ZNF721: variants seen among roughly 807,000 people sequenced by gnomAD.
ZNF721 encodes zinc finger protein 721.
A neutral mutation model predicts 2.4 loss-of-function variants in ZNF721; 2 were observed. The ratio of observed to expected loss-of-function variants is 0.82; its 90% CI spans 0.34 to 2.58. ZNF721 has a LOEUF of 2.58. ZNF721 is among the 30% of genes most tolerant of loss of function. The pLI is 0.11. For synonymous variants in ZNF721, 398 were observed against 381.8 expected (o/e 1.04, Z -0.50); for missense variants, 1,187 against 1,085.5 (o/e 1.09, Z -1.31).
At chr4:489,562 C>T (rs1239574546) in intron 1 of ZNF721, among the ~76,000 whole-genome samples, 1 of 152,160 alleles carries the variant, frequency 6.6e-6, no homozygotes, top group East Asian at 1.9e-4. Flanking sequence ...TCTCTAGGGG[C>T]ACTGTCCCAC....
At position 474,347 on chromosome 4, in the gene ZNF721, CT is replaced by C. The variant is rs373940372; in HGVS notation, c.-93-1647del. On this transcript the variant is annotated intron_variant, in intron 1 of 2. Coordinates refer to ENST00000511833, the MANE Select transcript of ZNF721 (RefSeq NM_133474.4). ...TACCTCCAGGCACTTTCAGGCGGCG[CT>C]TAATCTCTGTGCTAGGCTTGGCTCT... is the stretch of plus-strand genomic sequence containing the variant. 6.9e-3 allele frequency among the ~76,000 whole-genome samples: 1,058 copies of C among 152,312 alleles called. 11 individuals carry two copies. The Middle Eastern group carries it at 0.071, about 10-fold the overall frequency.
intron 1 of ZNF721, among the ~76,000 whole-genome samples, chr4:488,365 AAC>A (rs782532907): frequency 1.4e-4 from 22 of 152,254 alleles, no homozygotes; most frequent in South Asian, 6.2e-4. Flanking sequence ...ACAGGAGAAA[AAC>A]ACACAGTTAC....
intron 1 of ZNF721, among the ~76,000 whole-genome samples, chr4:483,619 G>C (rs1488208125): frequency 1.6e-4 from 24 of 152,020 alleles, no homozygotes; most frequent in Admixed American, 1.6e-3. Context: ...GAAAAAAGAA[G>C]AGGAAGTGGT....
Position 472,644 on chromosome 4 carries a change from G to C in ZNF721, c.-36C>G. The stretch of plus-strand genomic sequence containing the variant: ...TACAAATTCTGCTGGGCAGGGTCCA[G>C]GCATTTCCACTCTTCTGGAGAGAAT... On this transcript the variant is annotated 5_prime_UTR_variant, in exon 2 of 3. Transcript: ENST00000511833. The C allele has an allele frequency of 6.2e-7, 1 of 1,613,980 alleles. No homozygotes were observed. The highest frequency in any genetic ancestry group is 8.5e-7 in the Non-Finnish European group (1 of 1,180,004).
At chr4:465,532 C>T (rs1715218905) in intron 2 of ZNF721, among the ~76,000 whole-genome samples, 1 of 151,506 alleles carries the variant, frequency 6.6e-6, no homozygotes, top group African/African-American at 2.4e-5. Context: ...CCTGGGTTCA[C>T]GCCATTCTCC....
intron 1 of ZNF721, among the ~76,000 whole-genome samples, chr4:491,462 G>C (rs1553871456): frequency 1.3e-5 from 2 of 152,184 alleles, no homozygotes; most frequent in Non-Finnish European, 2.9e-5. Flanking sequence ...CAGTAACAAA[G>C]AGTGCTGAAA....
intron 1 of ZNF721, among the ~76,000 whole-genome samples, chr4:483,175 C>G (rs1715812523): frequency 6.6e-6 from 1 of 152,126 alleles, no homozygotes; most frequent in Admixed American, 6.6e-5. Context: ...GAGCATCAGC[C>G]TATTATACTA....
intron 1 of ZNF721, among the ~76,000 whole-genome samples, chr4:491,911 T>C (rs145666906): frequency 3.3e-5 from 5 of 152,092 alleles, no homozygotes; most frequent in African/African-American, 1.2e-4. Flanking sequence ...TCCCAGCACT[T>C]TGGGAGGCCA....
At chr4:476,125 T>C (rs781832328) in intron 1 of ZNF721, among the ~76,000 whole-genome samples, 6 of 152,210 alleles carry the variant, frequency 3.9e-5, no homozygotes, top group African/African-American at 7.2e-5. Flanking sequence ...CAGTCACCCT[T>C]CTTGCAGTCA....
chr4:467,805 T>A (rs547453277), intron 2 of ZNF721, among the ~76,000 whole-genome samples: 7 of 152,278 alleles, frequency 4.6e-5, no homozygotes, highest in Non-Finnish European at 7.4e-5. Context: ...CCGTGGCCAC[T>A]CGTACACACT....
intron 1 of ZNF721, among the ~76,000 whole-genome samples, chr4:481,515 A>G (rs1295710088): frequency 6.6e-6 from 1 of 151,902 alleles, no homozygotes; most frequent in Non-Finnish European, 1.5e-5. Context: ...ATTTATTAAA[A>G]ATCAAGTTAT....
chr4:444,250 A>G lies in ZNF721; in HGVS notation c.217T>C (p.Leu73=), dbSNP rs1714395058. Residue 73 remains leucine (L), a synonymous_variant, in exon 3 of 3, where the codon TTG becomes CTG. Transcript: ENST00000511833. Reference sequence around the variant, plus strand: ...AATATTTTGCTCTGAGTATTTGACAAGCATTTATTAATTCCATTATAAACT... The same window carrying G: ...AATATTTTGCTCTGAGTATTTGACAGGCATTTATTAATTCCATTATAAACT... ...KGVYNGINKC[L]SNTQSKIFQC... The G allele has an allele frequency of 6.2e-7, 1 of 1,613,770 alleles. No homozygotes were observed. The highest frequency in any genetic ancestry group is 1.3e-5 in the African/African-American group (1 of 75,052).
chr4:449,166 A>G lies in ZNF721; in HGVS notation c.35-4734T>C, dbSNP rs545294085. 2.7e-4 allele frequency among the ~76,000 whole-genome samples: 41 copies of G among 152,310 alleles called. 1 individual carries two copies. The highest frequency in any genetic ancestry group is 2.4e-5 in the African/African-American group (1 of 41,584). On this transcript the variant is annotated intron_variant, in intron 2 of 2. Transcript: ENST00000511833. ...AGATAGAGTGCATAACAACGTTAAT[A>G]TGACTAAGCTGAATATTTAAAAATA...
At chr4:481,669 T>C (rs1318656081) in intron 1 of ZNF721, among the ~76,000 whole-genome samples, 3 of 151,570 alleles carry the variant, frequency 2.0e-5, no homozygotes, top group Non-Finnish European at 2.9e-5. Context: ...AAGGAAGAAA[T>C]TGCAAGTGAT....
At chr4:451,731 T>G (rs1714667021) in intron 2 of ZNF721, among the ~76,000 whole-genome samples, 1 of 152,232 alleles carries the variant, frequency 6.6e-6, no homozygotes, top group Non-Finnish European at 1.5e-5. Flanking sequence ...CCTAACGCAT[T>G]TCCTGCACAG....
chr4:472,762 AAG>A, intron 1 of ZNF721, 61 bp from the exon 2 acceptor site: 1 of 1,598,240 alleles, frequency 6.3e-7, no homozygotes, highest in Non-Finnish European at 8.5e-7. Context: ...GAAATGTGTT[AAG>A]AGAACCAGTT....
At chr4:473,155 G>A (rs1429341567) in intron 1 of ZNF721, among the ~76,000 whole-genome samples, 1 of 152,104 alleles carries the variant, frequency 6.6e-6, no homozygotes, top group Non-Finnish European at 1.5e-5. Context: ...GAGTCACTTA[G>A]CTAAGCACTG....
chr4:453,600 G>A (rs1714743513), intron 2 of ZNF721: 1 of 152,198 alleles, frequency 6.6e-6, no homozygotes, highest in South Asian at 2.1e-4. Context: ...CAGCACATGT[G>A]TCTTTGTATC....
At chr4:474,090 T>A in intron 1 of ZNF721, 1 of 1,348,338 alleles carries the variant, frequency 7.4e-7, no homozygotes, top group Non-Finnish European at 1.0e-6. Flanking sequence ...GAGGCCTCCC[T>A]GAGGTGTGGA....
Sources: allele counts gnomAD v4.1 joint callset (sites outside exome capture counted in the v4.1 genomes callset), GRCh38; gene constraint gnomAD v4.1.1; transcripts MANE v1.5; gene names NCBI Gene and HGNC (gene_info 2026-07-23, HGNC 2026-07-21).